Variants in SLC8A1 observed in about 807,000 individuals in gnomAD.
The protein encoded by SLC8A1 is sodium/calcium exchanger 1.
In SLC8A1, 18 loss-of-function variants were observed where a neutral mutation model predicts 68.3. The ratio of observed to expected loss-of-function variants is 0.26; its 90% CI spans 0.18 to 0.39. The LOEUF is 0.39. SLC8A1 is among the 10% of genes least tolerant of loss of function. SLC8A1 has a pLI of 1.00. For synonymous variants in SLC8A1, 475 were observed against 415.5 expected, an observed-to-expected ratio of 1.14 and a Z score of -1.74; for missense variants, 985 against 1,156.7, an observed-to-expected ratio of 0.85 and a Z score of 2.15.
chr2:40,309,002 G>T (rs1489329859), intron 2 of SLC8A1, among the ~76,000 whole-genome samples: 1 of 152,092 alleles, frequency 6.6e-6, no homozygotes, highest in Non-Finnish European at 1.5e-5. Flanking sequence ...TGTTGAAATT[G>T]CATTCATGCA....
chr2:40,498,680 T>A (rs1705866892), intron 1 of SLC8A1, among the ~76,000 whole-genome samples: 1 of 152,116 alleles, frequency 6.6e-6, no homozygotes, highest in South Asian at 2.1e-4. Context: ...GAGTGGGTGA[T>A]GTGCTGCAAG....
intron 2 of SLC8A1, among the ~76,000 whole-genome samples, chr2:40,281,175 C>G (rs2067460555): frequency 6.6e-6 from 1 of 151,918 alleles, no homozygotes; most frequent in Admixed American, 6.6e-5. Context: ...ACGGAGTTTA[C>G]CAGGGATGGG....
At chr2:40,250,288 T>G (rs753374693) in intron 2 of SLC8A1, 1 of 152,182 alleles carries the variant, frequency 6.6e-6, no homozygotes, top group Non-Finnish European at 1.5e-5. Context: ...CTTAACATGT[T>G]TGAATTTCAG....
At chr2:40,426,062 A>T (rs1696779553) in intron 2 of SLC8A1, among the ~76,000 whole-genome samples, 1 of 152,000 alleles carries the variant, frequency 6.6e-6, no homozygotes, top group Non-Finnish European at 1.5e-5. Flanking sequence ...ACAAATCTGT[A>T]CAATCAACAG....
At chr2:40,304,926 C>G (rs2072285599) in intron 2 of SLC8A1, among the ~76,000 whole-genome samples, 2 of 152,146 alleles carry the variant, frequency 1.3e-5, no homozygotes, top group Admixed American at 1.3e-4. Context: ...CCTACCCACC[C>G]CATCCATTTG....
chr2:40,265,670 T>C (rs1331395318), intron 2 of SLC8A1, among the ~76,000 whole-genome samples: 2 of 152,196 alleles, frequency 1.3e-5, no homozygotes, highest in Non-Finnish European at 2.9e-5. Context: ...ATTTATGTGA[T>C]GTTTTTCAGG....
rs1377676147 is a variant in SLC8A1 at position 40,309,538 on chromosome 2, G to A, written c.1808+118935C>T. On this transcript the variant is annotated intron_variant, in intron 2 of 7. Coordinates refer to ENST00000406785, the Ensembl canonical transcript of SLC8A1. ...TTTTTTTTTTGTGAGACGGAGTCTC[G>A]CTCTGTTGCCCAGGCTGGAGTGCAA... Among the ~76,000 whole-genome samples the A allele has an allele frequency of 3.8e-5, 5 of 132,228 alleles. No homozygotes were observed. In the East Asian group the frequency reaches 6.8e-4, roughly 18 times the overall value. The allele number at this position is 132,228 out of a possible 152,430, so 86.7% of individuals were successfully genotyped here.
At chr2:40,394,946 G>C (rs1686456452) in intron 2 of SLC8A1, among the ~76,000 whole-genome samples, 1 of 152,080 alleles carries the variant, frequency 6.6e-6, no homozygotes, top group African/African-American at 2.4e-5. Context: ...AAAGATTCTG[G>C]AGCTGAGGAG....
In SLC8A1 at chr2:40,196,274, G is replaced by A. The variant is rs1161392771; in HGVS notation, c.1809-18419C>T. On this transcript the variant is annotated intron_variant, in intron 2 of 7. Coordinates refer to ENST00000406785, the Ensembl canonical transcript of SLC8A1. ...AGAGGAGTTGAATGAAATGACACATGGTAGGGGCAGTTGTAGTGAGTGGTG... is the reference window on the plus strand; with the variant it reads ...AGAGGAGTTGAATGAAATGACACATAGTAGGGGCAGTTGTAGTGAGTGGTG... Among the ~76,000 whole-genome samples the A allele has an allele frequency of 5.3e-5, 8 of 152,076 alleles. No individual in the cohort carries two copies. The South Asian group carries it at 1.7e-3, about 32-fold the overall frequency.
Position 40,200,246 on chromosome 2 carries a change from ATAT to A in SLC8A1, c.1809-22394_1809-22392del, listed in dbSNP as rs2054064424. 1.1e-4 allele frequency among the ~76,000 whole-genome samples: 2 copies of A among 17,536 alleles called. 1 individual carries two copies. 11.5% of individuals were successfully genotyped at this position (17,536 alleles called of 152,430 possible). Reference sequence around the variant, plus strand: ...TTTTTATATATATATATAAATATATATATATATATATATATATATATAACCTCT... The same window carrying A: ...TTTTTATATATATATATAAATATATAATATATATATATATATATAACCTCT... On this transcript the variant is annotated intron_variant, in intron 2 of 7. Transcript: ENST00000406785.
chr2:40,131,425 C>G (rs930479284), intron 7 of SLC8A1, among the ~76,000 whole-genome samples: 1 of 152,218 alleles, frequency 6.6e-6, no homozygotes, highest in Non-Finnish European at 1.5e-5. Flanking sequence ...TGGAATTAAT[C>G]TGATTCCCTG....
exon 8 of SLC8A1, chr2:40,103,001 G>C (rs1468435323): frequency 6.6e-6 from 1 of 152,074 alleles, no homozygotes; most frequent in Non-Finnish European, 1.5e-5. Context: ...TCAATATTGA[G>C]TCTCACAAGA....
At chr2:40,126,452 A>T (rs1370079213) in intron 7 of SLC8A1, among the ~76,000 whole-genome samples, 5 of 152,230 alleles carry the variant, frequency 3.3e-5, no homozygotes, top group Admixed American at 6.5e-5. Context: ...TGGGAGAAGA[A>T]TCCAGGGCAG....
At chr2:40,190,792 C>T (rs999823391) in intron 2 of SLC8A1, 5 of 152,050 alleles carry the variant, frequency 3.3e-5, no homozygotes, top group Non-Finnish European at 7.4e-5. Flanking sequence ...TAAAAATCAA[C>T]CCCTAGTCTT....
At chr2:40,412,176 G>C (rs969237792) in intron 2 of SLC8A1, among the ~76,000 whole-genome samples, 1 of 152,006 alleles carries the variant, frequency 6.6e-6, no homozygotes, top group Non-Finnish European at 1.5e-5. Flanking sequence ...GCTGCTTAGC[G>C]ATATGTCAGA....
chr2:40,189,361 C>T (rs1214941908), intron 2 of SLC8A1, among the ~76,000 whole-genome samples: 4 of 152,206 alleles, frequency 2.6e-5, no homozygotes, highest in Non-Finnish European at 5.9e-5. Context: ...CGCTCTGTCG[C>T]CCAGTCTGTA....
chr2:40,122,994 CA>C (rs1434359599), intron 7 of SLC8A1, among the ~76,000 whole-genome samples: 4 of 152,064 alleles, frequency 2.6e-5, no homozygotes, highest in Admixed American at 2.6e-4. Context: ...TCAGGGAACA[CA>C]AAACAGTGAA....
At chr2:40,113,609 C>CTGGA (rs1225683279) in exon 8 of SLC8A1, 1 of 152,540 alleles carries the variant, frequency 6.6e-6, no homozygotes, top group Non-Finnish European at 1.5e-5. Flanking sequence ...GAGGACTAGA[C>CTGGA]TGGACAGTGA....
At chr2:40,162,624 G>T (rs904832297) in intron 5 of SLC8A1, among the ~76,000 whole-genome samples, 11 of 152,138 alleles carry the variant, frequency 7.2e-5, no homozygotes, top group African/African-American at 2.2e-4. Context: ...TTCTTCCTAG[G>T]ACTTAATTTT....
Sources: gnomAD v4.1 joint callset for allele counts (sites outside exome capture counted in the v4.1 genomes callset) on GRCh38, gnomAD v4.1.1 for gene constraint, MANE v1.5 for transcripts, NCBI Gene and HGNC (gene_info 2026-07-23, HGNC 2026-07-21) for gene names.